Variants in KCNQ1 observed in about 807,000 individuals in gnomAD.
KCNQ1 encodes potassium voltage-gated channel subfamily Q member 1.
In KCNQ1, 49 loss-of-function variants were observed where a neutral mutation model predicts 72.4. The observed-to-expected ratio is 0.68, with a 90% CI of 0.54 to 0.86. The LOEUF (loss-of-function observed/expected upper bound fraction) is 0.86. Ranked by LOEUF, KCNQ1 falls within the 40% of genes least tolerant of loss-of-function variation. The pLI is 0.00. For missense variants in KCNQ1, 790 were observed against 945.1 expected, an observed-to-expected ratio of 0.84 and a Z score of 2.15; for synonymous variants, 450 against 412.6, an observed-to-expected ratio of 1.09 and a Z score of -1.10.
rs189688358 is a variant in KCNQ1, at chr11:2,491,623, G to A, written c.387-36305G>A. 4.6e-3 allele frequency among the ~76,000 whole-genome samples: 704 copies of A among 152,274 alleles called. 3 individuals carry two copies. Among genetic ancestry groups the A allele is most frequent in the Middle Eastern group, 0.014 (4 of 294 alleles). On this transcript the variant is annotated intron_variant, in intron 1 of 15. Coordinates refer to ENST00000155840, the MANE Select transcript of KCNQ1 (RefSeq NM_000218.3). The surrounding 1 kb of genome is among the most constrained non-coding windows in gnomAD (Gnocchi z 4.1). ...TCTAAGATTTATTGACCTTAAAGAG[G>A]AGGTAGAGAAAGAGATAGGGGTAGA...
intron 1 of KCNQ1, among the ~76,000 whole-genome samples, chr11:2,527,664 G>A (rs1847533409): frequency 6.6e-6 from 1 of 152,254 alleles, no homozygotes; most frequent in Non-Finnish European, 1.5e-5. Context: ...TCACCTGTCT[G>A]TGTCTGGCCT....
intron 10 of KCNQ1, chr11:2,650,061 A>T: frequency 2.5e-6 from 1 of 398,204 alleles, no homozygotes; most frequent in South Asian, 1.3e-4. Flanking sequence ...CTTCTGCTTG[A>T]CTTAGCCGGC....
chr11:2,576,187 G>A (rs919759611), intron 6 of KCNQ1, among the ~76,000 whole-genome samples: 1 of 152,206 alleles, frequency 6.6e-6, no homozygotes, highest in Non-Finnish European at 1.5e-5. Flanking sequence ...ACAGTGGGTG[G>A]CCCAGGTGGA....
At chr11:2,829,928 A>C (rs1398710827) in intron 15 of KCNQ1, among the ~76,000 whole-genome samples, 1 of 111,108 alleles carries the variant, frequency 9.0e-6, no homozygotes, top group Non-Finnish European at 1.8e-5. Flanking sequence ...TTCTGCCAAT[A>C]CCCTGGTGGG....
intron 2 of KCNQ1, among the ~76,000 whole-genome samples, chr11:2,552,630 A>G (rs1005805128): frequency 1.3e-5 from 2 of 152,234 alleles, no homozygotes; most frequent in South Asian, 2.1e-4. Context: ...TGCATTGGAT[A>G]TGTAGATAAA....
chr11:2,640,672 T>C (rs754416233), intron 10 of KCNQ1: 32 of 398,356 alleles, frequency 8.0e-5, no homozygotes, highest in Non-Finnish European at 1.3e-4. Flanking sequence ...CCTCAATTTA[T>C]CATCTCTATA....
Position 2,613,272 on chromosome 11 carries a change from T to G in KCNQ1, c.1393+24418T>G. On this transcript the variant is annotated intron_variant, in intron 10 of 15. Coordinates refer to ENST00000155840, the MANE Select transcript of KCNQ1 (RefSeq NM_000218.3). This position sits in a 1 kb window ranked among gnomAD's most constrained non-coding sequence, Gnocchi z 4.8. ...TAGATAGCAGGAAACCTCTCTGATC[T>G]CTCCTGCAAGCATGTACAACTTCCA... The G allele has an allele frequency of 2.5e-6, 1 of 398,560 alleles. No homozygotes were observed. Among genetic ancestry groups the G allele is most frequent in the African/African-American group, 2.1e-5 (1 of 48,732 alleles). The allele number at this position is 398,560 out of a possible 1,614,324, so 24.7% of individuals were successfully genotyped here.
rs377228423 is a variant in KCNQ1 at position 2,498,206 on chromosome 11, C to T, written c.387-29722C>T. ...TTAGCAGAGCTCATGCACTGTGCTGCGAGAATCCCCCTTGTCAGGATCAGC... is the reference window on the plus strand; with the variant it reads ...TTAGCAGAGCTCATGCACTGTGCTGTGAGAATCCCCCTTGTCAGGATCAGC... On this transcript the variant is annotated intron_variant, in intron 1 of 15. Transcript: ENST00000155840. This position sits in a 1 kb window ranked among gnomAD's most constrained non-coding sequence, Gnocchi z 4.8. 1.2e-4 allele frequency among the ~76,000 whole-genome samples: 18 copies of T among 152,284 alleles called. No individual in the cohort carries two copies. The highest frequency in any genetic ancestry group is 3.6e-4 in the African/African-American group (15 of 41,568).
Position 2,599,539 on chromosome 11 carries a change from G to A in KCNQ1, c.1393+10685G>A, listed in dbSNP as rs1283745873. Among the ~76,000 whole-genome samples, 1 of 152,236 alleles carries A rather than the reference G, an allele frequency of 6.6e-6. No homozygotes were observed. The highest frequency in any genetic ancestry group is 1.9e-4 in the East Asian group (1 of 5,180). On this transcript the variant is annotated intron_variant, in intron 10 of 15. Transcript: ENST00000155840. The surrounding 1 kb of genome is among the most constrained non-coding windows in gnomAD (Gnocchi z 4.7). ...TTATTTCTATGTGTTAACTTTCCAG[G>A]ATGTATTAGTTTGCTAGGACTGCCA...
intron 11 of KCNQ1, among the ~76,000 whole-genome samples, chr11:2,700,615 G>C (rs1259284060): frequency 6.6e-6 from 1 of 152,138 alleles, no homozygotes; most frequent in Non-Finnish European, 1.5e-5. Context: ...CCACTGCTGT[G>C]CCTGGAACAC....
intron 1 of KCNQ1, among the ~76,000 whole-genome samples, chr11:2,499,821 A>G (rs1846981143): frequency 6.6e-6 from 1 of 152,214 alleles, no homozygotes; most frequent in African/African-American, 2.4e-5. Context: ...AATATACCTA[A>G]TAGATATTTA....
Position 2,674,535 on chromosome 11 carries a change from G to A in KCNQ1, c.1514+12454G>A, listed in dbSNP as rs910386379. On this transcript the variant is annotated intron_variant, in intron 11 of 15. Transcript: ENST00000155840. The surrounding 1 kb of genome is among the most constrained non-coding windows in gnomAD (Gnocchi z 5.9). The stretch of plus-strand genomic sequence containing the variant: ...ATGGCACTTGCAAAGCCCATTCGGA[G>A]GATTTAGACAAATACCTCGAGTGAG... 11 of 398,498 alleles carry A rather than the reference G, an allele frequency of 2.8e-5. No homozygotes were observed. Among genetic ancestry groups the A allele is most frequent in the Non-Finnish European group, 4.9e-5 (11 of 226,078 alleles). The allele number at this position is 398,498 out of a possible 1,614,324, so 24.7% of individuals were successfully genotyped here. A position where few individuals can be genotyped will look rare whatever the true frequency, so the allele number is the denominator to read the frequency against.
rs144919079 is a variant in KCNQ1, at chr11:2,723,800, C to T, written c.1515-45044C>T. On this transcript the variant is annotated intron_variant, in intron 11 of 15. Transcript: ENST00000155840. This position sits in a 1 kb window ranked among gnomAD's most constrained non-coding sequence, Gnocchi z 4.2. ...CCGCAGGGTTCCCAGCCACTCGGTG[C>T]ACATGTACTCCAGCCTCTCTGTGTC... Among the ~76,000 whole-genome samples, 1 of 152,294 alleles carries T rather than the reference C, an allele frequency of 6.6e-6. No individual in the cohort carries two copies. Among genetic ancestry groups the T allele is most frequent in the East Asian group, 1.9e-4 (1 of 5,178 alleles).
intron 15 of KCNQ1, among the ~76,000 whole-genome samples, chr11:2,798,280 G>C (rs1217603670): frequency 6.6e-6 from 1 of 152,094 alleles, no homozygotes; most frequent in African/African-American, 2.4e-5. Context: ...CTTTCGGCTT[G>C]GCATCAGGAG....
In KCNQ1 at chr11:2,541,666, C is replaced by T. The variant is rs1847825692; in HGVS notation, c.477+13648C>T. On this transcript the variant is annotated intron_variant, in intron 2 of 15. Transcript: ENST00000155840. The surrounding 1 kb of genome is among the most constrained non-coding windows in gnomAD (Gnocchi z 4.8). ...CGTTCCCAGAAAGCCCCCTTCTGCT[C>T]AAGTTCTCTTGCTTCATCTCAGGCT... Among the ~76,000 whole-genome samples, 1 of 151,380 alleles carries T rather than the reference C, an allele frequency of 6.6e-6. No individual in the cohort carries two copies. Among genetic ancestry groups the T allele is most frequent in the South Asian group, 2.1e-4 (1 of 4,788 alleles).
rs1376271089 is a variant in KCNQ1, at chr11:2,475,901, C to G, written c.386+30417C>G. Among the ~76,000 whole-genome samples, 1 of 152,202 alleles carries G rather than the reference C, an allele frequency of 6.6e-6. No individual in the cohort carries two copies. Among genetic ancestry groups the G allele is most frequent in the Non-Finnish European group, 1.5e-5 (1 of 68,036 alleles). On this transcript the variant is annotated intron_variant, in intron 1 of 15. Coordinates refer to ENST00000155840, the MANE Select transcript of KCNQ1 (RefSeq NM_000218.3). This position sits in a 1 kb window ranked among gnomAD's most constrained non-coding sequence, Gnocchi z 5.8. ...CCTTCCGCCATGATTGTGAGGCTTCCCCAGCCACATGGAACTGTAAGTCCA... is the reference window on the plus strand; with the variant it reads ...CCTTCCGCCATGATTGTGAGGCTTCGCCAGCCACATGGAACTGTAAGTCCA...
In KCNQ1 at chr11:2,652,088, C is replaced by A. The variant is rs1316765485; in HGVS notation, c.1394-9873C>A. 1 of 398,542 alleles carries A rather than the reference C, an allele frequency of 2.5e-6. No homozygotes were observed. Among genetic ancestry groups the A allele is most frequent in the Non-Finnish European group, 4.4e-6 (1 of 226,120 alleles). 24.7% of individuals were successfully genotyped at this position (398,542 alleles called of 1,614,324 possible). The stretch of plus-strand genomic sequence containing the variant: ...ATTTGAGAAGCTATGGGGAGCCTCT[C>A]GGCCCCAGTTCTGGCCTGGCTGGGA... On this transcript the variant is annotated intron_variant, in intron 10 of 15. Transcript: ENST00000155840. The surrounding 1 kb of genome is among the most constrained non-coding windows in gnomAD (Gnocchi z 5.9).
intron 11 of KCNQ1, among the ~76,000 whole-genome samples, chr11:2,733,853 C>T (rs1242162322): frequency 5.9e-5 from 3 of 50,796 alleles, no homozygotes; most frequent in African/African-American, 1.2e-4. Flanking sequence ...CTCTCTCTCT[C>T]TCTCCCCCCC....
At chr11:2,708,668 G>A (rs1440863830) in intron 11 of KCNQ1, among the ~76,000 whole-genome samples, 2 of 152,168 alleles carry the variant, frequency 1.3e-5, no homozygotes, top group African/African-American at 2.4e-5. Flanking sequence ...AGGGTTTCAG[G>A]CAGCCTCAGC....
Sources: allele counts gnomAD v4.1 joint callset (sites outside exome capture counted in the v4.1 genomes callset), GRCh38; gene constraint gnomAD v4.1.1; non-coding constraint Gnocchi (gnomAD v3.1); transcripts MANE v1.5; gene names NCBI Gene and HGNC (gene_info 2026-07-23, HGNC 2026-07-21).